The following RNGTT variants were observed in gnomAD, a reference collection of about 807,000 sequenced individuals.
RNGTT encodes mRNA-capping enzyme.
Under a neutral mutation model 79.3 loss-of-function variants are expected in RNGTT, and 33 were observed. The observed-to-expected ratio is 0.42, with a 90% CI of 0.32 to 0.56. The LOEUF (loss-of-function observed/expected upper bound fraction) is 0.56. Among genes scored for constraint, RNGTT ranks in the 20% least tolerant of loss-of-function variants. RNGTT has a pLI of 0.17. For synonymous variants in RNGTT, 222 were observed against 235.9 expected (o/e 0.94, Z 0.54); for missense variants, 497 against 739.1 (o/e 0.67, Z 3.80).
intron 13 of RNGTT, among the ~76,000 whole-genome samples, chr6:88,759,263 T>A (rs987472066): frequency 3.3e-5 from 5 of 152,188 alleles, no homozygotes; most frequent in Admixed American, 6.5e-5. Flanking sequence ...ATACATTGTT[T>A]TTGTTGGGTT....
intron 14 of RNGTT, among the ~76,000 whole-genome samples, chr6:88,644,302 G>C (rs1261141648): frequency 6.6e-6 from 1 of 152,050 alleles, no homozygotes; most frequent in African/African-American, 2.4e-5. Flanking sequence ...ACTAAACCAG[G>C]AAGAAGTTGA....
chr6:88,685,923 T>G (rs1330424502), intron 13 of RNGTT, among the ~76,000 whole-genome samples: 1 of 151,586 alleles, frequency 6.6e-6, no homozygotes, highest in Non-Finnish European at 1.5e-5. Flanking sequence ...TGTTTAACAA[T>G]GTACTAGAGG....
chr6:88,763,933 G>C (rs553767328), intron 13 of RNGTT, among the ~76,000 whole-genome samples: 2 of 152,274 alleles, frequency 1.3e-5, no homozygotes, highest in South Asian at 2.1e-4. Context: ...GTTGAAATCA[G>C]AACAAAAGAT....
chr6:88,754,524 G>C (rs1275258999), intron 13 of RNGTT, among the ~76,000 whole-genome samples: 1 of 152,118 alleles, frequency 6.6e-6, no homozygotes, highest in Non-Finnish European at 1.5e-5. Flanking sequence ...CCAGATTTGA[G>C]CCCCAGTGAG....
At chr6:88,890,465 T>C (rs534765554) in intron 8 of RNGTT, 30 bp downstream of exon 8, 1 of 1,356,252 alleles carries the variant, frequency 7.4e-7, no homozygotes, top group Admixed American at 1.7e-5. Flanking sequence ...TTAGGGTTAT[T>C]TGTGTAATTT....
chr6:88,817,490 T>TAAAAAAAAAAA (rs11354100), intron 11 of RNGTT, among the ~76,000 whole-genome samples: 2 of 44,564 alleles, frequency 4.5e-5, no homozygotes, highest in Non-Finnish European at 3.9e-5. Context: ...AAAAAATAAG[T>TAAAAAAAAAAA]AAAAAAAAAA....
At chr6:88,624,724 A>C (rs1026760473) in intron 14 of RNGTT, among the ~76,000 whole-genome samples, 1 of 151,950 alleles carries the variant, frequency 6.6e-6, no homozygotes, top group African/African-American at 2.4e-5. Context: ...AAAAACTGAT[A>C]AACTGCATCA....
chr6:88,688,047 G>C (rs1459607774), intron 13 of RNGTT, among the ~76,000 whole-genome samples: 1 of 152,172 alleles, frequency 6.6e-6, no homozygotes, highest in Non-Finnish European at 1.5e-5. Context: ...ACGAAAAGGA[G>C]CTAATTTAAG....
chr6:88,952,945 G>A (rs1379272860), intron 1 of RNGTT, among the ~76,000 whole-genome samples: 1 of 152,222 alleles, frequency 6.6e-6, no homozygotes, highest in African/African-American at 2.4e-5. Context: ...CAAGGGATCA[G>A]CCTGTGGGAC....
intron 6 of RNGTT, 75 bp downstream of exon 6, chr6:88,904,640 T>C: frequency 6.9e-7 from 1 of 1,450,082 alleles, no homozygotes; most frequent in South Asian, 1.4e-5. Flanking sequence ...ATGGCCAATA[T>C]TCCATTTTTA....
Position 88,927,866 on chromosome 6 carries a change from T to C in RNGTT, c.367+1119A>G, listed in dbSNP as rs1413289460. ...AAAAAAAAGAAAGAAAAGGAAACTT[T>C]ACATTGCATCCTCAATTTAAACCAT... is the stretch of plus-strand genomic sequence containing the variant. On this transcript the variant is annotated intron_variant, in intron 4 of 15. Coordinates refer to ENST00000369485, the MANE Select transcript of RNGTT (RefSeq NM_003800.5). Among the ~76,000 whole-genome samples the C allele has an allele frequency of 2.0e-5, 3 of 151,064 alleles. 1 individual carries two copies. Among genetic ancestry groups the C allele is most frequent in the South Asian group, 4.2e-4 (2 of 4,802 alleles).
intron 14 of RNGTT, among the ~76,000 whole-genome samples, chr6:88,639,579 C>A (rs1773231048): frequency 6.6e-6 from 1 of 152,110 alleles, no homozygotes; most frequent in African/African-American, 2.4e-5. Context: ...GCTCATACTT[C>A]CCTTATAGTT....
chr6:88,906,237 G>A, intron 5 of RNGTT, 128 bp downstream of exon 5: 1 of 623,420 alleles, frequency 1.6e-6, no homozygotes, highest in East Asian at 2.8e-5. Flanking sequence ...TATCTAAAAT[G>A]AAAAGCAGTT....
intron 11 of RNGTT, among the ~76,000 whole-genome samples, chr6:88,824,797 G>A (rs1367735260): frequency 1.3e-5 from 2 of 150,670 alleles, no homozygotes; most frequent in Non-Finnish European, 3.0e-5. Flanking sequence ...TGTCATTCAG[G>A]CTGGAATGCA....
At chr6:88,760,277 A>C (rs141815190) in intron 13 of RNGTT, among the ~76,000 whole-genome samples, 4 of 152,338 alleles carry the variant, frequency 2.6e-5, no homozygotes, top group African/African-American at 9.6e-5. Flanking sequence ...GAATGCAGGA[A>C]GGATGAAATA....
intron 2 of RNGTT, among the ~76,000 whole-genome samples, chr6:88,933,956 C>G (rs868246150): frequency 6.6e-6 from 1 of 152,180 alleles, no homozygotes. Context: ...TACGTTCCAA[C>G]CAACAGCATA....
intron 6 of RNGTT, among the ~76,000 whole-genome samples, chr6:88,892,636 A>C: frequency 6.6e-6 from 1 of 152,110 alleles, no homozygotes; most frequent in East Asian, 1.9e-4. Context: ...ACCCTTCTGG[A>C]AATTTTTAAA....
At chr6:88,677,286 A>G (rs866146713) in intron 14 of RNGTT, among the ~76,000 whole-genome samples, 1,146 of 80,752 alleles carry the variant, frequency 0.014, 17 homozygotes, top group African/African-American at 0.07. Context: ...GGAGACCAGG[A>G]AAAAAAAAAA....
At chr6:88,750,956 C>T (rs1240709689) in intron 13 of RNGTT, among the ~76,000 whole-genome samples, 1 of 151,974 alleles carries the variant, frequency 6.6e-6, no homozygotes, top group Non-Finnish European at 1.5e-5. Flanking sequence ...TTATATCTGC[C>T]ATCCTAGTCA....
Sources: gnomAD v4.1 joint callset for allele counts (sites outside exome capture counted in the v4.1 genomes callset) on GRCh38, gnomAD v4.1.1 for gene constraint, MANE v1.5 for transcripts, NCBI Gene and HGNC (gene_info 2026-07-23, HGNC 2026-07-21) for gene names.